Variants in MYT1L observed in about 807,000 individuals in gnomAD.
MYT1L encodes myelin transcription factor 1-like protein.
A neutral mutation model predicts 126.7 loss-of-function variants in MYT1L; 12 were observed. That is an observed-to-expected ratio of 0.09 (90% CI 0.06 to 0.15). MYT1L has a LOEUF of 0.15. Among genes scored for constraint, MYT1L ranks in the 10% least tolerant of loss-of-function variants. The pLI is 1.00. For missense variants in MYT1L, 979 were observed against 1,585.2 expected, an observed-to-expected ratio of 0.62 and a Z score of 6.49; for synonymous variants, 541 against 604.2, an observed-to-expected ratio of 0.90 and a Z score of 1.53.
intron 21 of MYT1L, among the ~76,000 whole-genome samples, chr2:1,833,707 G>T (rs2040479555): frequency 6.6e-6 from 1 of 152,190 alleles, no homozygotes; most frequent in Non-Finnish European, 1.5e-5. Flanking sequence ...AGCCGGGATG[G>T]GGCCTTGACT....
At chr2:1,858,044 G>A (rs1481907420) in intron 18 of MYT1L, among the ~76,000 whole-genome samples, 1 of 152,096 alleles carries the variant, frequency 6.6e-6, no homozygotes, top group African/African-American at 2.4e-5. Flanking sequence ...TTGTATTTTT[G>A]TAGAGACAGG....
chr2:2,115,136 C>T (rs2080029367), intron 3 of MYT1L, among the ~76,000 whole-genome samples: 1 of 152,246 alleles, frequency 6.6e-6, no homozygotes, highest in African/African-American at 2.4e-5. Context: ...TTTCCCTGCT[C>T]CTCCTGACAG....
intron 11 of MYT1L, among the ~76,000 whole-genome samples, chr2:1,913,681 T>C (rs541441226): frequency 7.5e-4 from 114 of 152,300 alleles, no homozygotes; most frequent in African/African-American, 2.5e-3. Flanking sequence ...TGGTAAACTT[T>C]TCACATGCAG....
At position 1,789,581 on chromosome 2, in the gene MYT1L, A is replaced by G. The variant is rs1337599781; in HGVS notation, c.*2286T>C. ...AATCCCTTTCCATTGTACATAGGTGATAACAATAAGAATCCAAAACTGATA... is the reference window on the plus strand; with the variant it reads ...AATCCCTTTCCATTGTACATAGGTGGTAACAATAAGAATCCAAAACTGATA... On this transcript the variant is annotated 3_prime_UTR_variant, in exon 25 of 25. Transcript: ENST00000647738. The G allele has an allele frequency of 6.6e-6, 1 of 152,228 alleles. No homozygotes were observed. The highest frequency in any genetic ancestry group is 1.5e-5 in the Non-Finnish European group (1 of 68,048). 9.4% of individuals were successfully genotyped at this position (152,228 alleles called of 1,614,324 possible). A position where few individuals can be genotyped will look rare whatever the true frequency, so the allele number is the denominator to read the frequency against.
At chr2:2,017,249 C>T (rs777754994) in intron 4 of MYT1L, among the ~76,000 whole-genome samples, 4 of 152,238 alleles carry the variant, frequency 2.6e-5, no homozygotes, top group Non-Finnish European at 4.4e-5. Context: ...AACTAACCTC[C>T]TTCCTTTGTA....
chr2:1,962,183 G>T (rs188841968), intron 8 of MYT1L, among the ~76,000 whole-genome samples: 1 of 151,950 alleles, frequency 6.6e-6, no homozygotes, highest in East Asian at 1.9e-4. Context: ...TTTTTCTATT[G>T]CTAGAATGTT....
In MYT1L at chr2:1,954,355, A is replaced by G. The variant is rs148378381; in HGVS notation, c.153-11021T>C. ...TGACGCCCCAGCCACAGTCACGTAG[A>G]ATAACGTGTCCAGAGAGGATATTGC... On this transcript the variant is annotated intron_variant, in intron 8 of 24. Transcript: ENST00000647738. Among the ~76,000 whole-genome samples the G allele has an allele frequency of 7.4e-4, 113 of 152,334 alleles. No homozygotes were observed. The Middle Eastern group carries it at 0.017, about 23-fold the overall frequency.
chr2:2,254,553 T>C (rs1020881546), intron 2 of MYT1L, among the ~76,000 whole-genome samples: 16 of 152,218 alleles, frequency 1.1e-4, no homozygotes, highest in African/African-American at 3.6e-4. Flanking sequence ...TTGTGAAGAT[T>C]AGACAGATTC....
In MYT1L at chr2:1,814,412, C is replaced by T. The variant is rs564849688; in HGVS notation, c.3081-5245G>A. 1.5e-4 allele frequency among the ~76,000 whole-genome samples: 23 copies of T among 152,310 alleles called. No homozygotes were observed. In the East Asian group the frequency reaches 4.5e-3, roughly 30 times the overall value. ...CCGGGACGTGGACATGGGCGGTTCC[C>T]ATCCTTGGTTATCTTTTCCTCTTCT... On this transcript the variant is annotated intron_variant, in intron 21 of 24. Transcript: ENST00000647738.
intron 18 of MYT1L, among the ~76,000 whole-genome samples, chr2:1,855,273 C>A (rs895831891): frequency 6.6e-6 from 1 of 152,174 alleles, no homozygotes; most frequent in Admixed American, 6.5e-5. Flanking sequence ...CGACCACGGG[C>A]GTGGCGTGAA....
At chr2:1,934,167 G>C (rs910831825) in intron 9 of MYT1L, among the ~76,000 whole-genome samples, 1 of 151,036 alleles carries the variant, frequency 6.6e-6, no homozygotes, top group Admixed American at 6.6e-5. Context: ...GTAGAGACGG[G>C]GTTTCATCGT....
chr2:2,071,246 T>C (rs1159429503), intron 3 of MYT1L, among the ~76,000 whole-genome samples: 1 of 152,172 alleles, frequency 6.6e-6, no homozygotes, highest in East Asian at 1.9e-4. Flanking sequence ...AAAATGAAAA[T>C]AGTAATATGA....
intron 24 of MYT1L, 47 bp from the exon 25 acceptor site, chr2:1,792,054 A>G (rs1055970058): frequency 1.4e-6 from 2 of 1,404,612 alleles, no homozygotes; most frequent in Non-Finnish European, 9.6e-7. Flanking sequence ...TATTTTCTTA[A>G]TAGTATATTT....
rs756339021 is a variant in MYT1L, at chr2:1,809,077, G to A, written c.3171C>T (p.Asn1057=). ...CACGAGGGCTGGAGGGGTGCTCACCGTTGCTGGCCCGCTGTTTGATGGTCA... is the reference window on the plus strand; with the variant it reads ...CACGAGGGCTGGAGGGGTGCTCACCATTGCTGGCCCGCTGTTTGATGGTCA... ...QMLTIKQRAS[N]GIENDEEIKQ... Residue 1057 remains asparagine, a splice_region_variant and synonymous_variant, in exon 22 of 25, where the codon AAC becomes AAT. Coordinates refer to ENST00000647738, the MANE Select transcript of MYT1L (RefSeq NM_001303052.2). 34 of 1,613,864 alleles carry A rather than the reference G, an allele frequency of 2.1e-5. No homozygotes were observed. The highest frequency in any genetic ancestry group is 1.1e-4 in the East Asian group (5 of 44,870).
At chr2:1,834,574 C>CA (rs2040581365) in intron 21 of MYT1L, among the ~76,000 whole-genome samples, 1 of 152,114 alleles carries the variant, frequency 6.6e-6, no homozygotes, top group Non-Finnish European at 1.5e-5. Context: ...ATAGGACGGT[C>CA]ACAAAAAAGC....
chr2:1,975,260 T>TCCCACC (rs1558598274), intron 8 of MYT1L, among the ~76,000 whole-genome samples: 6 of 94,972 alleles, frequency 6.3e-5, no homozygotes, highest in Non-Finnish European at 1.4e-4. Context: ...CAGATCCCAC[T>TCCCACC]GCCAGATCCC....
At chr2:1,972,421 C>T (rs746621355) in intron 8 of MYT1L, among the ~76,000 whole-genome samples, 2 of 152,140 alleles carry the variant, frequency 1.3e-5, no homozygotes, top group Non-Finnish European at 2.9e-5. Flanking sequence ...CTATGTGAAA[C>T]TGGTAAAGGG....
At chr2:1,996,536 C>T (rs1489898529) in intron 5 of MYT1L, among the ~76,000 whole-genome samples, 11 of 136,106 alleles carry the variant, frequency 8.1e-5, no homozygotes, top group South Asian at 2.4e-4. Context: ...GCCGCCCTGC[C>T]TCAGTGTGGG....
chr2:1,844,223 T>G (rs958917187), intron 19 of MYT1L, among the ~76,000 whole-genome samples: 1 of 152,196 alleles, frequency 6.6e-6, no homozygotes, highest in African/African-American at 2.4e-5. Flanking sequence ...CCTTCAGCAC[T>G]GAACACCCCC....
Sources: allele counts gnomAD v4.1 joint callset (sites outside exome capture counted in the v4.1 genomes callset), GRCh38; gene constraint gnomAD v4.1.1; transcripts MANE v1.5; gene names NCBI Gene and HGNC (gene_info 2026-07-23, HGNC 2026-07-21).